The following KALRN variants were observed in gnomAD, a reference collection of about 807,000 sequenced individuals.
KALRN encodes the protein kalirin RhoGEF kinase, also known as kalirin.
In KALRN, 70 loss-of-function variants were observed where a neutral mutation model predicts 353.7. That is an observed-to-expected ratio of 0.20 (90% confidence interval 0.16 to 0.24). The LOEUF (loss-of-function observed/expected upper bound fraction) is 0.24, where lower values mean the gene tolerates loss of function less well. Ranked by LOEUF, KALRN falls within the 10% of genes least tolerant of loss-of-function variation. The pLI is 1.00. For missense variants in KALRN, 2,791 were observed against 3,756.7 expected, an observed-to-expected ratio of 0.74 and a Z score of 6.72; for synonymous variants, 1,391 against 1,434.8, an observed-to-expected ratio of 0.97 and a Z score of 0.69.
At chr3:124,515,335 A>G (rs573386490) in intron 33 of KALRN, among the ~76,000 whole-genome samples, 1 of 152,346 alleles carries the variant, frequency 6.6e-6, no homozygotes, top group African/African-American at 2.4e-5. Flanking sequence ...CATAAAAAAG[A>G]ATGCTGAGAA....
intron 34 of KALRN, among the ~76,000 whole-genome samples, chr3:124,590,540 G>A (rs2669926): frequency 0.13 from 19,635 of 152,090 alleles, 2,878 homozygotes; most frequent in East Asian, 0.42. Flanking sequence ...TTCTGGAGTA[G>A]TGTTGCTGAT....
intron 34 of KALRN, among the ~76,000 whole-genome samples, chr3:124,575,107 C>T (rs1288219902): frequency 6.6e-6 from 1 of 152,214 alleles, no homozygotes; most frequent in Non-Finnish European, 1.5e-5. Context: ...AGCCCTCTGC[C>T]CTATGGGCAG....
At chr3:124,406,305 A>G (rs1375459174) in intron 13 of KALRN, among the ~76,000 whole-genome samples, 2 of 152,234 alleles carry the variant, frequency 1.3e-5, no homozygotes, top group Admixed American at 6.5e-5. Context: ...TAATCTTATC[A>G]TTGTAAGAAT....
intron 5 of KALRN, among the ~76,000 whole-genome samples, chr3:124,278,763 GTA>G (rs1390537814): frequency 6.6e-6 from 1 of 152,048 alleles, no homozygotes; most frequent in African/African-American, 2.4e-5. Context: ...TCCTTCCAAG[GTA>G]TAAACAGTTC....
At chr3:124,325,874 A>C in intron 6 of KALRN, 106 bp from the exon 7 acceptor site, 1 of 865,950 alleles carries the variant, frequency 1.2e-6, no homozygotes, top group South Asian at 1.7e-5. Context: ...AGCGTCTCTC[A>C]GACTTTTGTT....
chr3:124,624,729 A>G (rs1417125143), intron 34 of KALRN, among the ~76,000 whole-genome samples: 1 of 152,218 alleles, frequency 6.6e-6, no homozygotes, highest in Non-Finnish European at 1.5e-5. Flanking sequence ...TCAGGGAATA[A>G]CCTGTGCTGC....
At chr3:124,494,642 T>C (rs530187898) in intron 32 of KALRN, among the ~76,000 whole-genome samples, 37 of 152,364 alleles carry the variant, frequency 2.4e-4, no homozygotes, top group Admixed American at 8.5e-4. Flanking sequence ...GAGAGAGCAG[T>C]TGACTTAGAA....
At chr3:124,667,381 A>T (rs1318368086) in intron 47 of KALRN, among the ~76,000 whole-genome samples, 198 bp downstream of exon 47, 1 of 152,222 alleles carries the variant, frequency 6.6e-6, no homozygotes, top group South Asian at 2.1e-4. Context: ...ATGAAAAAGA[A>T]GCTCCATCTT....
chr3:124,131,520 A>G (rs1490350907), intron 1 of KALRN, among the ~76,000 whole-genome samples: 3 of 152,240 alleles, frequency 2.0e-5, no homozygotes, highest in African/African-American at 7.2e-5. Flanking sequence ...GAACTTGATG[A>G]AATTGATGGC....
At chr3:124,212,464 G>A (rs896816244) in intron 1 of KALRN, among the ~76,000 whole-genome samples, 2 of 152,036 alleles carry the variant, frequency 1.3e-5, no homozygotes, top group Non-Finnish European at 2.9e-5. Context: ...AAATTGTAAT[G>A]GCTGATTTGT....
chr3:124,311,186 G>T (rs568657845), intron 6 of KALRN, among the ~76,000 whole-genome samples: 33 of 148,352 alleles, frequency 2.2e-4, no homozygotes, highest in Non-Finnish European at 4.2e-4. Flanking sequence ...CTGGACAGGC[G>T]CAGTGGCTCA....
intron 1 of KALRN, among the ~76,000 whole-genome samples, chr3:124,173,864 T>G (rs1264103147): frequency 6.6e-6 from 1 of 152,048 alleles, no homozygotes; most frequent in Admixed American, 6.6e-5. Flanking sequence ...TCCGCCCACC[T>G]CGGCCTCCCT....
At chr3:124,465,519 A>C (rs1302730376) in intron 25 of KALRN, among the ~76,000 whole-genome samples, 2 of 152,192 alleles carry the variant, frequency 1.3e-5, no homozygotes, top group Admixed American at 1.3e-4. Flanking sequence ...TTTTTTCCCC[A>C]TCACTACAAG....
At chr3:124,152,389 C>A (rs1409471000) in intron 1 of KALRN, 4 of 1,214,404 alleles carry the variant, frequency 3.3e-6, no homozygotes, top group Non-Finnish European at 4.8e-6. Context: ...GACCTTTGGG[C>A]TCACACTATT....
chr3:124,238,043 C>G lies in KALRN; in HGVS notation c.263+3100C>G, dbSNP rs1454241824. 1.3e-5 allele frequency among the ~76,000 whole-genome samples: 2 copies of G among 152,164 alleles called. 1 individual carries two copies. The highest frequency in any genetic ancestry group is 4.1e-4 in the South Asian group (2 of 4,828). Reference sequence around the variant, plus strand: ...ATGAATAGGAAGAAATAGTCCCACTCTCCTCTCTGTAGGCCAGGCCATATC... The same window carrying G: ...ATGAATAGGAAGAAATAGTCCCACTGTCCTCTCTGTAGGCCAGGCCATATC... On this transcript the variant is annotated intron_variant, in intron 3 of 59. Coordinates refer to ENST00000682506, the MANE Select transcript of KALRN (RefSeq NM_001388419.1).
At chr3:124,556,286 C>T (rs2071232058) in intron 33 of KALRN, among the ~76,000 whole-genome samples, 1 of 152,192 alleles carries the variant, frequency 6.6e-6, no homozygotes, top group Admixed American at 6.5e-5. Flanking sequence ...AAATTGTAAG[C>T]TTTAGCCTCT....
chr3:124,549,036 G>A (rs979979450), intron 33 of KALRN, among the ~76,000 whole-genome samples: 1 of 152,190 alleles, frequency 6.6e-6, no homozygotes, highest in Non-Finnish European at 1.5e-5. Flanking sequence ...GAACTGAACT[G>A]AGTGTTCTAA....
At chr3:124,270,829 T>G (rs6769522) in intron 5 of KALRN, among the ~76,000 whole-genome samples, 29 of 136,316 alleles carry the variant, frequency 2.1e-4, no homozygotes, top group African/African-American at 7.6e-4. Context: ...GTTTTGTTTT[T>G]TTTTTTTTTT....
intron 21 of KALRN, among the ~76,000 whole-genome samples, 193 bp from the exon 22 acceptor site, chr3:124,454,984 G>A (rs1236743151): frequency 6.6e-6 from 1 of 152,176 alleles, no homozygotes; most frequent in African/African-American, 2.4e-5. Context: ...TTTTGCAGAT[G>A]AAGAAATGGA....
Sources: allele counts gnomAD v4.1 joint callset (sites outside exome capture counted in the v4.1 genomes callset), GRCh38; gene constraint gnomAD v4.1.1; transcripts MANE v1.5; gene names NCBI Gene and HGNC (gene_info 2026-07-23, HGNC 2026-07-21).